The following SOS2 variants were observed in gnomAD, a reference collection of about 807,000 sequenced individuals.
SOS2 encodes the protein son of sevenless homolog 2.
Under a neutral mutation model 148.2 loss-of-function variants are expected in SOS2, and 65 were observed. The ratio of observed to expected loss-of-function variants is 0.44; its 90% CI spans 0.36 to 0.54. The LOEUF (loss-of-function observed/expected upper bound fraction) is 0.54, where lower values mean the gene tolerates loss of function less well. Ranked by LOEUF, SOS2 falls within the 20% of genes least tolerant of loss-of-function variation. The pLI, the probability that SOS2 is intolerant of heterozygous loss-of-function variation, is 0.00. For synonymous variants in SOS2, 539 were observed against 537.1 expected, an observed-to-expected ratio of 1.00 and a Z score of -0.05; for missense variants, 1,341 against 1,590.2, an observed-to-expected ratio of 0.84 and a Z score of 2.67.
At chr14:50,221,558 A>T (rs1887201673) in intron 1 of SOS2, among the ~76,000 whole-genome samples, 1 of 152,234 alleles carries the variant, frequency 6.6e-6, no homozygotes. Flanking sequence ...CACTAAACAA[A>T]GAGATAATTA....
intron 4 of SOS2, among the ~76,000 whole-genome samples, chr14:50,188,977 T>A (rs565224141): frequency 6.6e-6 from 1 of 150,958 alleles, no homozygotes; most frequent in Non-Finnish European, 1.5e-5. Flanking sequence ...GGCAGGAGAA[T>A]TGCTTGAGCC....
rs747199142 is a variant in SOS2 at position 50,153,058 on chromosome 14, TATATA to T, written c.2161+7_2161+11del. 6 of 1,320,534 alleles carry T rather than the reference TATATA, an allele frequency of 4.5e-6. No homozygotes were observed. Among genetic ancestry groups the T allele is most frequent in the Middle Eastern group, 1.9e-4 (1 of 5,222 alleles). 81.8% of individuals were successfully genotyped at this position (1,320,534 alleles called of 1,614,324 possible). On this transcript the variant is annotated splice_region_variant and intron_variant, in intron 13 of 22. Transcript: ENST00000216373. Reference sequence around the variant, plus strand: ...TCAATATAAGATTCAATCAAACCTTTATATAATATACCTCTTACACTTGAAATGAA... The same window carrying T: ...TCAATATAAGATTCAATCAAACCTTTATATACCTCTTACACTTGAAATGAA...
intron 16 of SOS2, among the ~76,000 whole-genome samples, chr14:50,141,153 G>C (rs542922060): frequency 2.2e-5 from 3 of 133,570 alleles, no homozygotes; most frequent in Non-Finnish European, 4.6e-5. Context: ...GCCGTGAGCC[G>C]AGATTGTGCC....
At chr14:50,230,998 C>A in intron 1 of SOS2, 199 bp downstream of exon 1, 1 of 786,640 alleles carries the variant, frequency 1.3e-6, no homozygotes, top group Non-Finnish European at 1.7e-6. Context: ...CAAAACCTTC[C>A]TTCCGGGACC....
At chr14:50,203,270 A>G (rs1220007889) in intron 2 of SOS2, among the ~76,000 whole-genome samples, 2 of 152,142 alleles carry the variant, frequency 1.3e-5, no homozygotes, top group African/African-American at 2.4e-5. Flanking sequence ...TGGGAGGCTG[A>G]GGCAGGAGAA....
At chr14:50,156,950 T>G in intron 12 of SOS2, 49 bp downstream of exon 12, 1 of 919,532 alleles carries the variant, frequency 1.1e-6, no homozygotes, top group South Asian at 1.7e-5. Flanking sequence ...TGTGTGTGTG[T>G]GTATATATAT....
chr14:50,137,935 G>A (rs1188508929), intron 18 of SOS2, among the ~76,000 whole-genome samples: 1 of 152,116 alleles, frequency 6.6e-6, no homozygotes, highest in Non-Finnish European at 1.5e-5. Flanking sequence ...CACCTCCTGG[G>A]TTCAAATGAT....
intron 2 of SOS2, among the ~76,000 whole-genome samples, chr14:50,202,992 C>T (rs576948524): frequency 6.3e-4 from 95 of 151,854 alleles, no homozygotes; most frequent in African/African-American, 2.1e-3. Flanking sequence ...CCAGTCTTTA[C>T]AAAAATAAAA....
intron 8 of SOS2, among the ~76,000 whole-genome samples, chr14:50,171,121 AAAAAAG>A (rs1054758491): frequency 1.3e-5 from 2 of 151,954 alleles, no homozygotes; most frequent in Admixed American, 6.6e-5. Flanking sequence ...TCTCAAAAAA[AAAAAAG>A]AAAAAGAAAA....
chr14:50,176,373 G>C (rs997076577), intron 7 of SOS2, among the ~76,000 whole-genome samples: 1 of 152,178 alleles, frequency 6.6e-6, no homozygotes, highest in Non-Finnish European at 1.5e-5. Context: ...AATTAATATA[G>C]TGAATTATTC....
rs1414010933 is a variant in SOS2, at chr14:50,159,690, T to C, written c.1593A>G (p.Glu531=). The C allele has an allele frequency of 1.2e-6, 2 of 1,614,182 alleles. No individual in the cohort carries two copies. Among genetic ancestry groups the C allele is most frequent in the Non-Finnish European group, 1.7e-6 (2 of 1,180,018 alleles). Residue 531 remains glutamate, a synonymous_variant, in exon 10 of 23, where the codon GAA becomes GAG. Transcript: ENST00000216373. ...SIIFAAKSAE[E]KNNWMAALIS... ...TAAGGGCTGCCATCCAGTTGTTTTTTTCTTCAGCAGACTTAGCAGCAAATA... is the reference window on the plus strand; with the variant it reads ...TAAGGGCTGCCATCCAGTTGTTTTTCTCTTCAGCAGACTTAGCAGCAAATA...
chr14:50,150,301 T>G lies in SOS2; in HGVS notation c.2162-71A>C, dbSNP rs1884620265. ...ATGACTGCAAATCTTCATTTAATCC[T>G]TAACTTTCACCCAGCCTCAACAGTT... On this transcript the variant is annotated intron_variant, in intron 13 of 22. Transcript: ENST00000216373. 5.6e-6 allele frequency: 6 copies of G among 1,068,636 alleles called. No individual in the cohort carries two copies. In the South Asian group the frequency reaches 8.0e-5, roughly 14 times the overall value. 66.2% of individuals were successfully genotyped at this position (1,068,636 alleles called of 1,614,324 possible).
At chr14:50,144,136 T>G (rs1484977795) in intron 16 of SOS2, among the ~76,000 whole-genome samples, 2 of 152,212 alleles carry the variant, frequency 1.3e-5, no homozygotes, top group East Asian at 3.9e-4. Flanking sequence ...CATATGAATA[T>G]TCCATGATAA....
intron 8 of SOS2, among the ~76,000 whole-genome samples, chr14:50,171,607 C>A (rs1293321603): frequency 1.3e-5 from 2 of 148,610 alleles, no homozygotes; most frequent in Admixed American, 1.4e-4. Flanking sequence ...CTGCTTGAAC[C>A]CAGGGGGCAG....
intron 1 of SOS2, among the ~76,000 whole-genome samples, chr14:50,211,058 A>G (rs1886854418): frequency 6.6e-6 from 1 of 152,070 alleles, no homozygotes; most frequent in South Asian, 2.1e-4. Flanking sequence ...TTCAGGATAG[A>G]TTTACATATA....
rs985513265 is a variant in SOS2 at position 50,189,841 on chromosome 14, T to C, written c.511-1141A>G. On this transcript the variant is annotated intron_variant, in intron 4 of 22. Coordinates refer to ENST00000216373, the MANE Select transcript of SOS2 (RefSeq NM_006939.4). ...AGTGAAAAAGAAAGTTGACTATACT[T>C]TATTTTTTATTTTTTTTTTTTTTGT... Among the ~76,000 whole-genome samples the C allele has an allele frequency of 9.7e-5, 5 of 51,718 alleles. No homozygotes were observed. In the Admixed American group the frequency reaches 1.0e-3, roughly 11 times the overall value. 33.9% of individuals were successfully genotyped at this position (51,718 alleles called of 152,430 possible). A position where few individuals can be genotyped will look rare whatever the true frequency, so the allele number is the denominator to read the frequency against.
In SOS2 at chr14:50,159,858, C is replaced by A. The variant is rs753225607; in HGVS notation, c.1425G>T (p.Gln475His). The change falls in exon 10 of 23, where the codon CAG becomes CAT. Residue 475 changes from glutamine to histidine, a missense_variant. Coordinates refer to ENST00000216373, the MANE Select transcript of SOS2 (RefSeq NM_006939.4). ...CACTACTGTAACCTGGAAGCCGAGT[C>A]TGGCCATGATTAGGTTTACAACTGA... ...LMISCKPNHG[Q>H]TRLPGYSSAE... 2 of 1,614,012 alleles carry A rather than the reference C, an allele frequency of 1.2e-6. No individual in the cohort carries two copies. The highest frequency in any genetic ancestry group is 1.7e-5 in the Admixed American group (1 of 59,990).
rs72149016 is a variant in SOS2, at chr14:50,145,669, TAAG to T, written c.2385-76_2385-74del. On this transcript the variant is annotated intron_variant, in intron 14 of 22. Transcript: ENST00000216373. ...TACTTAAAGATCTTCTAAAACTTAA[TAAG>T]AAAAAGACAATTAACCCAAAAGACA... 6.0e-3 allele frequency: 6,175 copies of T among 1,031,264 alleles called. 227 individuals carry two copies. The African/African-American group carries it at 0.082, about 14-fold the overall frequency. 63.9% of individuals were successfully genotyped at this position (1,031,264 alleles called of 1,614,324 possible).
chr14:50,211,592 TTTTA>T (rs1886873222), intron 1 of SOS2, among the ~76,000 whole-genome samples: 1 of 130,000 alleles, frequency 7.7e-6, no homozygotes, highest in South Asian at 2.4e-4. Flanking sequence ...GGAGGGAAAA[TTTTA>T]TTTATTTTTT....
Sources: allele counts gnomAD v4.1 joint callset (sites outside exome capture counted in the v4.1 genomes callset), GRCh38; gene constraint gnomAD v4.1.1; transcripts MANE v1.5; gene names NCBI Gene and HGNC (gene_info 2026-07-23, HGNC 2026-07-21).